The following PGM5 variants were observed in gnomAD, a reference collection of about 807,000 sequenced individuals.
The protein encoded by PGM5 is phosphoglucomutase-like protein 5.
In PGM5, 23 loss-of-function variants were observed where a neutral mutation model predicts 59.2. The ratio of observed to expected loss-of-function variants is 0.39; its 90% CI spans 0.28 to 0.55. The LOEUF is 0.55. PGM5 is among the 20% of genes least tolerant of loss of function. The probability of loss-of-function intolerance (pLI) is 0.66; values close to 1 mark genes in which losing one functional copy is unlikely to be tolerated. For missense variants in PGM5, 574 were observed against 748.3 expected, an observed-to-expected ratio of 0.77 and a Z score of 2.72; for synonymous variants, 214 against 286.0, an observed-to-expected ratio of 0.75 and a Z score of 2.54.
chr9:68,380,020 C>T (rs1822027255), intron 2 of PGM5, among the ~76,000 whole-genome samples: 1 of 151,916 alleles, frequency 6.6e-6, no homozygotes, highest in Non-Finnish European at 1.5e-5. Flanking sequence ...GACTTCAGTA[C>T]TCCACTTGCA....
intron 7 of PGM5, among the ~76,000 whole-genome samples, chr9:68,479,067 A>G (rs1374810613): frequency 1.3e-5 from 2 of 152,212 alleles, no homozygotes; most frequent in Non-Finnish European, 2.9e-5. Flanking sequence ...GTAAAGAACT[A>G]TCTTGTTCAC....
chr9:68,371,947 G>T (rs1821745441), intron 1 of PGM5, among the ~76,000 whole-genome samples: 1 of 152,170 alleles, frequency 6.6e-6, no homozygotes, highest in South Asian at 2.1e-4. Context: ...AGGCAAGGGA[G>T]GATCCTCCCC....
chr9:68,360,961 C>G (rs1834565002), intron 1 of PGM5, among the ~76,000 whole-genome samples: 1 of 152,190 alleles, frequency 6.6e-6, no homozygotes, highest in Non-Finnish European at 1.5e-5. Flanking sequence ...CTCTTTCACA[C>G]AGCCTGAAGT....
intron 1 of PGM5, among the ~76,000 whole-genome samples, chr9:68,373,716 A>G (rs1212120733): frequency 2.6e-5 from 4 of 152,200 alleles, no homozygotes; most frequent in Non-Finnish European, 4.4e-5. Flanking sequence ...AAATGTAGGC[A>G]ATTTTTATTG....
chr9:68,432,089 C>T (rs1324995459), intron 6 of PGM5, among the ~76,000 whole-genome samples: 1 of 152,158 alleles, frequency 6.6e-6, no homozygotes, highest in Non-Finnish European at 1.5e-5. Flanking sequence ...AAAAAAATCC[C>T]TCTTCCTATA....
chr9:68,504,969 T>A (rs1824632198), intron 10 of PGM5, among the ~76,000 whole-genome samples: 1 of 152,210 alleles, frequency 6.6e-6, no homozygotes, highest in African/African-American at 2.4e-5. Flanking sequence ...TTTCCTCCTA[T>A]GACTGAGGTC....
intron 10 of PGM5, among the ~76,000 whole-genome samples, chr9:68,500,551 C>T (rs1344706673): frequency 6.6e-6 from 1 of 152,106 alleles, no homozygotes; most frequent in Non-Finnish European, 1.5e-5. Context: ...GGATCATAGC[C>T]TTTCCATGCA....
At chr9:68,475,219 G>A (rs564407318) in intron 7 of PGM5, among the ~76,000 whole-genome samples, 3 of 126,346 alleles carry the variant, frequency 2.4e-5, no homozygotes, top group Non-Finnish European at 3.2e-5. Context: ...ATTTTTAGTA[G>A]AGACGAGGTT....
intron 10 of PGM5, among the ~76,000 whole-genome samples, chr9:68,525,105 G>A (rs745757938): frequency 2.6e-5 from 4 of 151,530 alleles, no homozygotes; most frequent in Middle Eastern, 3.2e-3. Flanking sequence ...AGGCATGGTC[G>A]ATGACATGAG....
chr9:68,374,134 C>A, intron 1 of PGM5, among the ~76,000 whole-genome samples: 1 of 152,274 alleles, frequency 6.6e-6, no homozygotes, highest in Non-Finnish European at 1.5e-5. Context: ...GGACTGCTAT[C>A]CCAGTCTGTC....
intron 6 of PGM5, among the ~76,000 whole-genome samples, chr9:68,422,216 C>A (rs1158223959): frequency 6.6e-6 from 1 of 151,912 alleles, no homozygotes; most frequent in South Asian, 2.1e-4. Flanking sequence ...ATTTATTGAC[C>A]TGAAAAAACA....
chr9:68,414,409 A>G (rs1310052447), intron 6 of PGM5, among the ~76,000 whole-genome samples: 2 of 152,206 alleles, frequency 1.3e-5, no homozygotes, highest in East Asian at 3.9e-4. Context: ...CAAATAAAAG[A>G]CAATGAAAGG....
chr9:68,515,817 A>C (rs889538738), intron 10 of PGM5, among the ~76,000 whole-genome samples: 3 of 152,266 alleles, frequency 2.0e-5, no homozygotes, highest in African/African-American at 7.2e-5. Flanking sequence ...GTTGTTGACT[A>C]TCTACCAAAG....
Position 68,382,356 on chromosome 9 carries a change from A to T in PGM5, c.425-2042A>T, listed in dbSNP as rs530111003. ...TGGACCCTTATCTTACACTATACAC[A>T]GAAATAAAATGAATAAAGAACTAAA... is the stretch of plus-strand genomic sequence containing the variant. On this transcript the variant is annotated intron_variant, in intron 2 of 10. Coordinates refer to ENST00000396396, the MANE Select transcript of PGM5 (RefSeq NM_021965.4). 2.0e-5 allele frequency among the ~76,000 whole-genome samples: 3 copies of T among 151,934 alleles called. No individual in the cohort carries two copies. The East Asian group carries it at 5.8e-4, about 29-fold the overall frequency.
chr9:68,504,171 T>A (rs1230251252), intron 10 of PGM5, among the ~76,000 whole-genome samples: 2 of 152,232 alleles, frequency 1.3e-5, no homozygotes, highest in Non-Finnish European at 2.9e-5. Flanking sequence ...TCTATTTCTG[T>A]TGCTTATTGG....
intron 6 of PGM5, among the ~76,000 whole-genome samples, chr9:68,449,644 A>T (rs1823664586): frequency 6.6e-6 from 1 of 152,156 alleles, no homozygotes; most frequent in African/African-American, 2.4e-5. Flanking sequence ...TCTGCCTATG[A>T]GCACGTGAAG....
At chr9:68,456,273 G>A (rs1332722006) in intron 6 of PGM5, among the ~76,000 whole-genome samples, 1 of 151,364 alleles carries the variant, frequency 6.6e-6, no homozygotes, top group African/African-American at 2.4e-5. Context: ...ACCAACATTT[G>A]GTATTAGATT....
At chr9:68,393,868 C>T (rs1471384448) in intron 6 of PGM5, 1 of 151,906 alleles carries the variant, frequency 6.6e-6, no homozygotes, top group African/African-American at 2.4e-5. Flanking sequence ...TACAAATGTC[C>T]ATCAACAGGA....
chr9:68,504,632 T>C (rs1824627676), intron 10 of PGM5, among the ~76,000 whole-genome samples: 1 of 152,156 alleles, frequency 6.6e-6, no homozygotes, highest in Non-Finnish European at 1.5e-5. Flanking sequence ...CCACCTAATA[T>C]AAAATAGCCC....
Sources: allele counts gnomAD v4.1 joint callset (sites outside exome capture counted in the v4.1 genomes callset), GRCh38; gene constraint gnomAD v4.1.1; transcripts MANE v1.5; gene names NCBI Gene and HGNC (gene_info 2026-07-23, HGNC 2026-07-21).